Variants in PSEN1 observed in about 807,000 individuals in gnomAD.
PSEN1 encodes presenilin 1.
PSEN1 carries 15 observed loss-of-function variants against 53.5 expected under a neutral mutation model. The observed-to-expected ratio is 0.28, with a 90% CI of 0.19 to 0.43. The LOEUF is 0.43. Among genes scored for constraint, PSEN1 ranks in the 20% least tolerant of loss-of-function variants. PSEN1 has a pLI of 1.00. For synonymous variants in PSEN1, 208 were observed against 209.8 expected, an observed-to-expected ratio of 0.99 and a Z score of 0.08; for missense variants, 387 against 571.2, an observed-to-expected ratio of 0.68 and a Z score of 3.29.
intron 3 of PSEN1, among the ~76,000 whole-genome samples, chr14:73,167,514 G>A (rs540481709): frequency 6.6e-6 from 1 of 152,240 alleles, no homozygotes; most frequent in South Asian, 2.1e-4. Context: ...GAGTCCTCAT[G>A]ACCCAGTCAC....
chr14:73,200,496 TC>T (rs1247271860), intron 8 of PSEN1, among the ~76,000 whole-genome samples: 1 of 152,088 alleles, frequency 6.6e-6, no homozygotes, highest in East Asian at 1.9e-4. Context: ...TCTCAAGTGA[TC>T]CAACTGCCTC....
intron 3 of PSEN1, among the ~76,000 whole-genome samples, chr14:73,149,260 G>A (rs1300459003): frequency 6.6e-6 from 1 of 152,016 alleles, no homozygotes; most frequent in African/African-American, 2.4e-5. Flanking sequence ...AGGAGGCTGA[G>A]GTACGAGGAT....
chr14:73,218,914 A>G (rs1405229037), intron 11 of PSEN1, among the ~76,000 whole-genome samples: 3 of 152,238 alleles, frequency 2.0e-5, no homozygotes, highest in Non-Finnish European at 4.4e-5. Context: ...ATTAAGGGAT[A>G]AAATAACAAT....
At chr14:73,200,664 T>A (rs548879419) in intron 8 of PSEN1, among the ~76,000 whole-genome samples, 4 of 152,340 alleles carry the variant, frequency 2.6e-5, no homozygotes, top group Admixed American at 2.6e-4. Flanking sequence ...TCTTAATGCC[T>A]TATCAAGTAC....
chr14:73,166,758 C>G (rs1897729330), intron 3 of PSEN1, among the ~76,000 whole-genome samples: 1 of 152,168 alleles, frequency 6.6e-6, no homozygotes, highest in African/African-American at 2.4e-5. Context: ...TTGAGTTCAG[C>G]AAAAATAATC....
intron 7 of PSEN1, among the ~76,000 whole-genome samples, chr14:73,195,651 G>A (rs115076395): frequency 0.023 from 3,461 of 152,208 alleles, 137 homozygotes; most frequent in African/African-American, 0.076. Flanking sequence ...GAGTGAAGTG[G>A]CACGATTATA....
chr14:73,156,466 C>T (rs78304949), intron 3 of PSEN1, among the ~76,000 whole-genome samples: 11,811 of 151,944 alleles, frequency 0.078, 573 homozygotes, highest in South Asian at 0.19. Flanking sequence ...TTTAGAAATA[C>T]ATACTAAAAT....
chr14:73,138,679 G>A (rs1431958342), intron 1 of PSEN1, among the ~76,000 whole-genome samples: 3 of 151,758 alleles, frequency 2.0e-5, no homozygotes, highest in Non-Finnish European at 4.4e-5. Context: ...GGTAAAAAAA[G>A]GCCGAGCGCG....
intron 8 of PSEN1, among the ~76,000 whole-genome samples, chr14:73,202,484 TTTTTTTTTG>T (rs1899266647): frequency 1.2e-5 from 1 of 83,652 alleles, no homozygotes; most frequent in African/African-American, 4.6e-5. Flanking sequence ...TTTTTTTTTT[TTTTTTTTTG>T]AGACAGTCTT....
intron 3 of PSEN1, among the ~76,000 whole-genome samples, chr14:73,158,286 A>ATCTATCTATCTGTCTG (rs767775901): frequency 1.0e-5 from 1 of 95,518 alleles, no homozygotes; most frequent in African/African-American, 4.3e-5. Context: ...TTTTTTTTCT[A>ATCTATCTATCTGTCTG]TCTATCTATC....
intron 9 of PSEN1, among the ~76,000 whole-genome samples, chr14:73,209,279 G>A (rs746975769): frequency 8.5e-5 from 13 of 152,152 alleles, no homozygotes; most frequent in Non-Finnish European, 1.9e-4. Flanking sequence ...CACCTCCCCT[G>A]CTGCAGCTGC....
At chr14:73,182,402 TG>T (rs1229390589) in intron 5 of PSEN1, among the ~76,000 whole-genome samples, 1 of 151,476 alleles carries the variant, frequency 6.6e-6, no homozygotes, top group Non-Finnish European at 1.5e-5. Context: ...GAGGCTGAGG[TG>T]GGAGTATGGC....
At chr14:73,180,012 T>C (rs1210566060) in intron 5 of PSEN1, among the ~76,000 whole-genome samples, 2 of 149,538 alleles carry the variant, frequency 1.3e-5, no homozygotes, top group Non-Finnish European at 3.0e-5. Context: ...TGAGACGGAG[T>C]CTCAGTCTCT....
rs761376196 is a variant in PSEN1 at position 73,147,997 on chromosome 14, A to G, written c.-23A>G. The G allele has an allele frequency of 1.3e-6, 2 of 1,575,884 alleles. No homozygotes were observed. Among genetic ancestry groups the G allele is most frequent in the Non-Finnish European group, 1.7e-6 (2 of 1,145,240 alleles). On this transcript the variant is annotated 5_prime_UTR_variant, in exon 3 of 12. Transcript: ENST00000324501. ...CAAGAGGCTTTGTTTTCTGTGAAAC[A>G]GTATTTCTATACAGTTGCTCCAATG... is the stretch of plus-strand genomic sequence containing the variant.
In PSEN1 at chr14:73,173,671, C is replaced by T. The variant is rs767054124; in HGVS notation, c.444C>T (p.Ile148=). 3.7e-6 allele frequency: 6 copies of T among 1,613,920 alleles called. No homozygotes were observed. The highest frequency in any genetic ancestry group is 4.5e-5 in the East Asian group (2 of 44,904). The change falls in exon 5 of 12, where the codon ATC becomes ATT. Residue 148 remains isoleucine, a synonymous_variant. Transcript: ENST00000324501. ...TCAGTGTCATTGTTGTCATGACTATCCTCCTGGTGGTTCTGTATAAATACA... is the reference window on the plus strand; with the variant it reads ...TCAGTGTCATTGTTGTCATGACTATTCTCCTGGTGGTTCTGTATAAATACA... The part of the protein sequence containing the change: ...IMISVIVVMT[I]LLVVLYKYRC...
At chr14:73,197,952 G>A (rs1440513607) in intron 7 of PSEN1, 79 bp from the exon 8 acceptor site, 52 of 785,980 alleles carry the variant, frequency 6.6e-5, no homozygotes, top group South Asian at 1.0e-4. Context: ...TTTTTCCTTC[G>A]TTAATTCCTC....
At chr14:73,200,377 C>G (rs140164309) in intron 8 of PSEN1, among the ~76,000 whole-genome samples, 5,837 of 152,192 alleles carry the variant, frequency 0.038, 309 homozygotes, top group African/African-American at 0.11. Flanking sequence ...TCAAGCAATT[C>G]TCCTCTCTCA....
intron 3 of PSEN1, among the ~76,000 whole-genome samples, chr14:73,156,749 G>A (rs1452100842): frequency 1.3e-5 from 2 of 151,412 alleles, no homozygotes; most frequent in Admixed American, 6.6e-5. Flanking sequence ...TGCAAGCTCC[G>A]CCTCCCAGGT....
At chr14:73,199,832 G>A (rs7154061) in intron 8 of PSEN1, among the ~76,000 whole-genome samples, 2,447 of 152,046 alleles carry the variant, frequency 0.016, 49 homozygotes, top group East Asian at 0.048. Flanking sequence ...TGCAACCTCC[G>A]CCTCCTGGGT....
Sources: gnomAD v4.1 joint callset for allele counts (sites outside exome capture counted in the v4.1 genomes callset) on GRCh38, gnomAD v4.1.1 for gene constraint, MANE v1.5 for transcripts, NCBI Gene and HGNC (gene_info 2026-07-23, HGNC 2026-07-21) for gene names.